Variants in CTTNBP2 observed in about 807,000 individuals in gnomAD.
The protein encoded by CTTNBP2 is cortactin binding protein 2.
In CTTNBP2, 108 loss-of-function variants were observed where a neutral mutation model predicts 156.9. The ratio of observed to expected loss-of-function variants is 0.69; its 90% CI spans 0.59 to 0.81. CTTNBP2 has a LOEUF of 0.81. Among genes scored for constraint, CTTNBP2 ranks in the 30% least tolerant of loss-of-function variants. The pLI is 0.00. For synonymous variants in CTTNBP2, 767 were observed against 751.8 expected (o/e 1.02, Z -0.33); for missense variants, 1,924 against 2,035.4 (o/e 0.95, Z 1.05).
intron 1 of CTTNBP2, among the ~76,000 whole-genome samples, chr7:117,864,620 AT>A (rs922781467): frequency 1.1e-5 from 1 of 88,902 alleles, no homozygotes; most frequent in Admixed American, 1.0e-4. Flanking sequence ...CAAAAACTAC[AT>A]TTTTGTTAGA....
In CTTNBP2 at chr7:117,724,538, G is replaced by C; in HGVS notation, c.4447+9C>G. 6.2e-7 allele frequency: 1 copy of C among 1,604,324 alleles called. No homozygotes were observed. Among genetic ancestry groups the C allele is most frequent in the Admixed American group, 1.7e-5 (1 of 58,308 alleles). On this transcript the variant is annotated intron_variant, in intron 19 of 22. Coordinates refer to ENST00000160373, the MANE Select transcript of CTTNBP2 (RefSeq NM_033427.3). ...CCTGGTAGGCAACATGCCTACCCCCGCCCTTTACCTTCAGTGCTTAGGTCT... is the reference window on the plus strand; with the variant it reads ...CCTGGTAGGCAACATGCCTACCCCCCCCCTTTACCTTCAGTGCTTAGGTCT...
In CTTNBP2 at chr7:117,792,489, G is replaced by C. The variant is rs1304975831; in HGVS notation, c.707C>G (p.Thr236Ser). The C allele has an allele frequency of 1.9e-6, 3 of 1,614,072 alleles. No individual in the cohort carries two copies. Among genetic ancestry groups the C allele is most frequent in the Admixed American group, 3.3e-5 (2 of 60,008 alleles). Residue 236 changes from threonine (T) to serine (S), a missense_variant, in exon 4 of 23, where the codon ACT becomes AGT. Physicochemically the swap from Thr to Ser is moderately conservative, Grantham distance 58. Coordinates refer to ENST00000160373, the MANE Select transcript of CTTNBP2 (RefSeq NM_033427.3). The surrounding 1 kb of genome is among the most constrained non-coding windows in gnomAD (Gnocchi z 4.2). ...QMEKQLSEFD[T>S]EREQLRAKLN... ...CTTGGCACGAAGCTGTTCCCGCTCA[G>C]TGTCAAACTCAGAGAGTTGTTTTTC...
intron 1 of CTTNBP2, among the ~76,000 whole-genome samples, chr7:117,869,704 T>C (rs1349908582): frequency 6.6e-6 from 1 of 152,100 alleles, no homozygotes; most frequent in Non-Finnish European, 1.5e-5. Flanking sequence ...AAATTGCTGC[T>C]GTGAGAAATA....
At chr7:117,844,912 G>A (rs1015134944) in intron 2 of CTTNBP2, among the ~76,000 whole-genome samples, 1 of 152,140 alleles carries the variant, frequency 6.6e-6, no homozygotes, top group Non-Finnish European at 1.5e-5. Context: ...AAAGCAAGAA[G>A]GTACTGAAGG....
chr7:117,871,951 G>C (rs548894515), intron 1 of CTTNBP2: 2 of 984,868 alleles, frequency 2.0e-6, no homozygotes, highest in South Asian at 4.7e-5. Context: ...ACTTGCCAGA[G>C]AGCCTTGTCT....
At chr7:117,850,969 G>C (rs1211367953) in intron 2 of CTTNBP2, among the ~76,000 whole-genome samples, 1 of 152,194 alleles carries the variant, frequency 6.6e-6, no homozygotes, top group Non-Finnish European at 1.5e-5. Context: ...AAGGCTGTTG[G>C]AAGAACTAGA....
chr7:117,848,217 G>T (rs937768364), intron 2 of CTTNBP2, among the ~76,000 whole-genome samples: 3 of 152,104 alleles, frequency 2.0e-5, no homozygotes, highest in Admixed American at 6.5e-5. Context: ...GCTGGCAAAT[G>T]GTTTGAAGGT....
chr7:117,791,495 TATA>T lies in CTTNBP2; in HGVS notation c.1698_1700del (p.Ile567del). The T allele has an allele frequency of 5.0e-6, 8 of 1,614,212 alleles. No individual in the cohort carries two copies. Among genetic ancestry groups the T allele is most frequent in the Non-Finnish European group, 6.8e-6 (8 of 1,180,024 alleles). On this transcript the variant is annotated inframe_deletion, in exon 4 of 23. Transcript: ENST00000160373. ...CTGTGTTCGAGGCCCTGCTGCTGTC[TATA>T]ATAACCTTGAGTTGGGGGTGTGGTG...
chr7:117,761,003 A>AG lies in CTTNBP2; in HGVS notation c.2897-294_2897-293insC, dbSNP rs1266274466. ...CAAGATTGTCAAGTTTTAAAAAAAA[A>AG]AATCTGAAAGAACTATAACCCTCCC... On this transcript the variant is annotated intron_variant, in intron 9 of 22. Coordinates refer to ENST00000160373, the MANE Select transcript of CTTNBP2 (RefSeq NM_033427.3). 5.3e-5 allele frequency among the ~76,000 whole-genome samples: 8 copies of AG among 152,164 alleles called. No individual in the cohort carries two copies. In the East Asian group the frequency reaches 1.5e-3, roughly 29 times the overall value.
At chr7:117,735,461 C>A (rs1795636325) in intron 14 of CTTNBP2, 40 bp from the exon 15 acceptor site, 1 of 1,557,516 alleles carries the variant, frequency 6.4e-7, no homozygotes, top group Admixed American at 2.1e-5. Context: ...AAGCTTTTGA[C>A]AAAAATTTAT....
At chr7:117,761,230 A>G (rs1474912677) in intron 9 of CTTNBP2, among the ~76,000 whole-genome samples, 1 of 152,190 alleles carries the variant, frequency 6.6e-6, no homozygotes, top group Admixed American at 6.5e-5. Flanking sequence ...TCTTCCATAA[A>G]ATGGAGGGAA....
At chr7:117,797,169 C>T (rs114249413) in intron 3 of CTTNBP2, among the ~76,000 whole-genome samples, 2 of 152,216 alleles carry the variant, frequency 1.3e-5, no homozygotes, top group African/African-American at 4.8e-5. Flanking sequence ...GAGGTTGCCA[C>T]GGTTTACCAG....
Position 117,783,762 on chromosome 7 carries a change from T to C in CTTNBP2, c.2272+489A>G, listed in dbSNP as rs537141998. ...TTTTGGTATATTTGACTACAGGATT[T>C]GCATTTTAAAGAACAAGAATAATTC... On this transcript the variant is annotated intron_variant, in intron 5 of 22. Coordinates refer to ENST00000160373, the MANE Select transcript of CTTNBP2 (RefSeq NM_033427.3). Among the ~76,000 whole-genome samples, 3 of 152,324 alleles carry C rather than the reference T, an allele frequency of 2.0e-5. No individual in the cohort carries two copies. In the East Asian group the frequency reaches 5.8e-4, roughly 29 times the overall value.
chr7:117,857,672 A>G (rs1803420719), intron 2 of CTTNBP2, among the ~76,000 whole-genome samples: 1 of 152,170 alleles, frequency 6.6e-6, no homozygotes, highest in African/African-American at 2.4e-5. Context: ...CTATTTTCAG[A>G]GGAATATTAA....
chr7:117,754,666 A>G lies in CTTNBP2; in HGVS notation c.3348+1889T>C, dbSNP rs898626734. Among the ~76,000 whole-genome samples, 44 of 152,250 alleles carry G rather than the reference A, an allele frequency of 2.9e-4. 1 individual carries two copies. The highest frequency in any genetic ancestry group is 1.5e-5 in the Non-Finnish European group (1 of 68,046). On this transcript the variant is annotated intron_variant, in intron 12 of 22. Transcript: ENST00000160373. ...CTTTAAATTTTGCAGTGACTGCTGA[A>G]ATAAGTGATACATTTTTATTATATT...
Position 117,711,316 on chromosome 7 carries a change from A to ACTTCCTGGTATTGAAGT in CTTNBP2, c.*204_*220dup. 1 of 476,056 alleles carries ACTTCCTGGTATTGAAGT rather than the reference A, an allele frequency of 2.1e-6. No homozygotes were observed. Among genetic ancestry groups the ACTTCCTGGTATTGAAGT allele is most frequent in the South Asian group, 3.1e-5 (1 of 32,754 alleles). The allele number at this position is 476,056 out of a possible 1,614,324, so 29.5% of individuals were successfully genotyped here. On this transcript the variant is annotated 3_prime_UTR_variant, in exon 23 of 23. Coordinates refer to ENST00000160373, the MANE Select transcript of CTTNBP2 (RefSeq NM_033427.3). ...TAAAACTACTTGAAAAGTTGGCATA[A>ACTTCCTGGTATTGAAGT]CTTCCTGGTATTGAAGTTCAATCCT...
At chr7:117,851,757 T>C (rs928624356) in intron 2 of CTTNBP2, among the ~76,000 whole-genome samples, 1 of 152,162 alleles carries the variant, frequency 6.6e-6, no homozygotes. Flanking sequence ...CAAAAACACA[T>C]GGAACCTCTG....
At chr7:117,757,525 C>T (rs1194313013) in intron 11 of CTTNBP2, among the ~76,000 whole-genome samples, 1 of 97,432 alleles carries the variant, frequency 1.0e-5, no homozygotes, top group African/African-American at 4.4e-5. Flanking sequence ...TTATTAAGCA[C>T]AGTAAAAAAA....
intron 14 of CTTNBP2, among the ~76,000 whole-genome samples, chr7:117,741,078 G>GT (rs1166459302): frequency 1.3e-4 from 20 of 152,210 alleles, no homozygotes; most frequent in Non-Finnish European, 2.8e-4. Flanking sequence ...TGTCTGAATG[G>GT]TTTTTTATCC....
Sources: gnomAD v4.1 joint callset for allele counts (sites outside exome capture counted in the v4.1 genomes callset) on GRCh38, gnomAD v4.1.1 for gene constraint, Gnocchi (gnomAD v3.1) non-coding constraint, MANE v1.5 for transcripts, NCBI Gene and HGNC (gene_info 2026-07-23, HGNC 2026-07-21) for gene names.